The following RIN3 variants were observed in gnomAD, a reference collection of about 807,000 sequenced individuals.
The protein encoded by RIN3 is Ras and Rab interactor 3.
Under a neutral mutation model 76.3 loss-of-function variants are expected in RIN3, and 54 were observed. The ratio of observed to expected loss-of-function variants is 0.71; its 90% confidence interval spans 0.57 to 0.89. RIN3 has a LOEUF of 0.89. Among genes scored for constraint, RIN3 ranks in the 40% least tolerant of loss-of-function variants. The pLI is 0.00. For synonymous variants in RIN3, 576 were observed against 564.0 expected (o/e 1.02, Z -0.30); for missense variants, 1,256 against 1,322.1 (o/e 0.95, Z 0.78).
chr14:92,612,655 G>T (rs1016972821), intron 3 of RIN3, among the ~76,000 whole-genome samples: 2 of 152,230 alleles, frequency 1.3e-5, no homozygotes, highest in African/African-American at 4.8e-5. Context: ...TGTTGCCTTC[G>T]TGTGAAGAGA....
intron 3 of RIN3, among the ~76,000 whole-genome samples, chr14:92,615,002 C>A (rs1885897746): frequency 6.6e-6 from 1 of 151,784 alleles, no homozygotes; most frequent in Non-Finnish European, 1.5e-5. Flanking sequence ...TGCCACCACA[C>A]CGGCTAATTT....
At chr14:92,609,704 C>T (rs1471454316) in intron 3 of RIN3, among the ~76,000 whole-genome samples, 1 of 152,154 alleles carries the variant, frequency 6.6e-6, no homozygotes, top group African/African-American at 2.4e-5. Context: ...TGATCTGCTA[C>T]TGAAAGCAGA....
At chr14:92,600,598 G>A (rs1885307548) in intron 3 of RIN3, among the ~76,000 whole-genome samples, 1 of 152,198 alleles carries the variant, frequency 6.6e-6, no homozygotes, top group African/African-American at 2.4e-5. Flanking sequence ...ACTGAGTCAT[G>A]GGCCGTCTTC....
At chr14:92,614,521 G>T (rs1029099854) in intron 3 of RIN3, among the ~76,000 whole-genome samples, 2 of 152,130 alleles carry the variant, frequency 1.3e-5, no homozygotes, top group Non-Finnish European at 2.9e-5. Flanking sequence ...TGGTTTGGCT[G>T]TGTCCTCACC....
At chr14:92,527,217 AT>A (rs549507421) in intron 1 of RIN3, among the ~76,000 whole-genome samples, 2 of 150,964 alleles carry the variant, frequency 1.3e-5, no homozygotes, top group Non-Finnish European at 3.0e-5. Context: ...CGCCCGGCTA[AT>A]TTTTTTTGTA....
chr14:92,539,786 G>A (rs1317674927), intron 1 of RIN3, among the ~76,000 whole-genome samples: 1 of 152,144 alleles, frequency 6.6e-6, no homozygotes, highest in Non-Finnish European at 1.5e-5. Flanking sequence ...TAGGATGCTG[G>A]GGGTGTACAG....
At chr14:92,604,298 G>A (rs1885450034) in intron 3 of RIN3, among the ~76,000 whole-genome samples, 1 of 152,250 alleles carries the variant, frequency 6.6e-6, no homozygotes, top group African/African-American at 2.4e-5. Flanking sequence ...TATCCTCAGG[G>A]TCTGCGCCCC....
intron 3 of RIN3, among the ~76,000 whole-genome samples, chr14:92,599,726 T>C (rs1179115835): frequency 2.0e-5 from 3 of 152,126 alleles, no homozygotes; most frequent in Non-Finnish European, 4.4e-5. Context: ...AGCGGTGAGA[T>C]GCTAAACTAC....
At chr14:92,571,941 C>T (rs2140052571) in intron 2 of RIN3, among the ~76,000 whole-genome samples, 1 of 152,236 alleles carries the variant, frequency 6.6e-6, no homozygotes, top group Non-Finnish European at 1.5e-5. Context: ...CTTGCCTCCT[C>T]AGAAGAAAGA....
intron 1 of RIN3, among the ~76,000 whole-genome samples, chr14:92,526,385 G>T (rs1329161297): frequency 6.6e-6 from 1 of 151,906 alleles, no homozygotes; most frequent in Non-Finnish European, 1.5e-5. Flanking sequence ...GTTGAGCTCG[G>T]GAGGCAGAGG....
chr14:92,615,487 G>A lies in RIN3; in HGVS notation c.440+8G>A, dbSNP rs773294623. ...GTTCTACTGTGTCAGTAGGTGAGTAGACCCGGCCCTGCAGGAGGTTATCTG... is the reference window on the plus strand; with the variant it reads ...GTTCTACTGTGTCAGTAGGTGAGTAAACCCGGCCCTGCAGGAGGTTATCTG... On this transcript the variant is annotated splice_region_variant and intron_variant, in intron 4 of 9. Transcript: ENST00000216487. 1.8e-5 allele frequency: 29 copies of A among 1,611,938 alleles called. No individual in the cohort carries two copies. In the East Asian group the frequency reaches 6.0e-4, roughly 33 times the overall value.
chr14:92,602,092 T>C (rs1207701831), intron 3 of RIN3, among the ~76,000 whole-genome samples: 2 of 152,156 alleles, frequency 1.3e-5, no homozygotes, highest in African/African-American at 2.4e-5. Flanking sequence ...CTGTGAAGCA[T>C]GCGAGATGGT....
chr14:92,534,449 A>G (rs752401221), intron 1 of RIN3, among the ~76,000 whole-genome samples: 14 of 151,908 alleles, frequency 9.2e-5, no homozygotes, highest in Non-Finnish European at 1.6e-4. Context: ...GCATGGTGTC[A>G]GGCACCTGTA....
At chr14:92,557,284 T>C (rs186643417) in intron 2 of RIN3, among the ~76,000 whole-genome samples, 3 of 152,212 alleles carry the variant, frequency 2.0e-5, no homozygotes, top group Non-Finnish European at 2.9e-5. Flanking sequence ...TGCAAAGGCA[T>C]TGAGTGCCCT....
intron 7 of RIN3, among the ~76,000 whole-genome samples, chr14:92,672,676 G>GTGTA (rs1370983739): frequency 6.6e-6 from 1 of 152,154 alleles, no homozygotes; most frequent in East Asian, 1.9e-4. Context: ...GTGTGTGTGT[G>GTGTA]TGTGTGTGTG....
chr14:92,590,877 A>G (rs1884955876), intron 3 of RIN3, among the ~76,000 whole-genome samples: 1 of 152,140 alleles, frequency 6.6e-6, no homozygotes, highest in African/African-American at 2.4e-5. Flanking sequence ...TCATATCACT[A>G]AAGGCCTGTT....
In RIN3 at chr14:92,688,504, C is replaced by T. The variant is rs1195883087; in HGVS notation, c.*252C>T. On this transcript the variant is annotated 3_prime_UTR_variant, in exon 10 of 10. Coordinates refer to ENST00000216487, the MANE Select transcript of RIN3 (RefSeq NM_024832.5). ...TTAGACGGAAAGGGAAACTGAGGCT[C>T]AGGAGAGAGGCGCTCCAGGCCGCTG... The T allele has an allele frequency of 2.4e-5, 13 of 540,594 alleles. No individual in the cohort carries two copies. In the South Asian group the frequency reaches 3.2e-4, roughly 14 times the overall value. 33.5% of individuals were successfully genotyped at this position (540,594 alleles called of 1,614,324 possible). A position where few individuals can be genotyped will look rare whatever the true frequency, so the allele number is the denominator to read the frequency against.
chr14:92,521,311 A>G (rs190452684), intron 1 of RIN3, among the ~76,000 whole-genome samples: 3 of 152,128 alleles, frequency 2.0e-5, no homozygotes, highest in East Asian at 3.9e-4. Context: ...CAATCCATCT[A>G]TTTACTGAGC....
Position 92,652,950 on chromosome 14 carries a change from A to G in RIN3, c.1901A>G (p.Gln634Arg), listed in dbSNP as rs186399341. 1.5e-5 allele frequency: 25 copies of G among 1,613,842 alleles called. No individual in the cohort carries two copies. Among genetic ancestry groups the G allele is most frequent in the Non-Finnish European group, 2.1e-5 (25 of 1,180,030 alleles). Residue 634 changes from glutamine (Q) to arginine (R), a missense_variant, in exon 6 of 10, where the codon CAG becomes CGG. Coordinates refer to ENST00000216487, the MANE Select transcript of RIN3 (RefSeq NM_024832.5). The surrounding 1 kb of genome is among the most constrained non-coding windows in gnomAD (Gnocchi z 6.4). ...TACAGCCTGGAGATGATGGCGCGCC[A>G]GACCTCCAGCACGGAGATGCTGCAG... ...KVYSLEMMARQTSSTEMLQEI... is the reference protein window; with the variant it reads ...KVYSLEMMARRTSSTEMLQEI...
Sources: allele counts gnomAD v4.1 joint callset (sites outside exome capture counted in the v4.1 genomes callset), GRCh38; gene constraint gnomAD v4.1.1; non-coding constraint Gnocchi (gnomAD v3.1); transcripts MANE v1.5; gene names NCBI Gene and HGNC (gene_info 2026-07-23, HGNC 2026-07-21).